Variants in FSTL5 observed in about 807,000 individuals in gnomAD.
FSTL5 encodes follistatin-related protein 5.
A neutral mutation model predicts 89.1 loss-of-function variants in FSTL5; 62 were observed. That is an observed-to-expected ratio of 0.70 (90% CI 0.57 to 0.86). FSTL5 has a LOEUF of 0.86. Ranked by LOEUF, FSTL5 falls within the 40% of genes least tolerant of loss-of-function variation. The pLI is 0.00. For synonymous variants in FSTL5, 383 were observed against 346.2 expected (o/e 1.11, Z -1.18); for missense variants, 1,057 against 1,001.6 (o/e 1.06, Z -0.75).
intron 4 of FSTL5, among the ~76,000 whole-genome samples, chr4:161,915,012 A>T (rs562320413): frequency 9.2e-5 from 14 of 152,304 alleles, no homozygotes; most frequent in African/African-American, 3.4e-4. Context: ...AGATATTACA[A>T]TATTGTAGCC....
At chr4:162,002,341 G>A (rs1012312787) in intron 3 of FSTL5, among the ~76,000 whole-genome samples, 3 of 152,044 alleles carry the variant, frequency 2.0e-5, no homozygotes, top group African/African-American at 7.3e-5. Context: ...TATATTTCAG[G>A]TCTCTGATTA....
chr4:161,490,393 A>G (rs912918572), intron 12 of FSTL5, among the ~76,000 whole-genome samples: 1 of 152,124 alleles, frequency 6.6e-6, no homozygotes, highest in African/African-American at 2.4e-5. Flanking sequence ...TTACTTTTCT[A>G]GATATGCATA....
intron 4 of FSTL5, among the ~76,000 whole-genome samples, chr4:161,779,688 A>G (rs1176438254): frequency 2.0e-5 from 3 of 147,330 alleles, no homozygotes; most frequent in Non-Finnish European, 3.0e-5. Context: ...TTTCTTTTTA[A>G]CTATTTTATT....
intron 13 of FSTL5, among the ~76,000 whole-genome samples, chr4:161,474,184 A>T (rs1273988188): frequency 6.6e-6 from 1 of 152,148 alleles, no homozygotes; most frequent in Non-Finnish European, 1.5e-5. Flanking sequence ...CAGTTCTATA[A>T]TACCTAAACT....
intron 15 of FSTL5, among the ~76,000 whole-genome samples, chr4:161,426,002 G>A (rs1345235586): frequency 6.6e-6 from 1 of 151,560 alleles, no homozygotes; most frequent in Non-Finnish European, 1.5e-5. Context: ...GTTTATCAAA[G>A]GTTTTAAACT....
intron 2 of FSTL5, among the ~76,000 whole-genome samples, chr4:162,057,126 T>C (rs757493875): frequency 6.6e-6 from 1 of 152,240 alleles, no homozygotes; most frequent in South Asian, 2.1e-4. Flanking sequence ...GTGTGGCCCA[T>C]CTGCCCGATT....
chr4:161,779,276 A>C (rs1741533448), intron 4 of FSTL5, among the ~76,000 whole-genome samples: 1 of 151,876 alleles, frequency 6.6e-6, no homozygotes. Flanking sequence ...TAAAATAACC[A>C]AAAAAAATTG....
chr4:161,627,883 TACAGAC>T lies in FSTL5; in HGVS notation c.894+28439_894+28444del, dbSNP rs536849559. Among the ~76,000 whole-genome samples, 24 of 152,296 alleles carry T rather than the reference TACAGAC, an allele frequency of 1.6e-4. No individual in the cohort carries two copies. In the South Asian group the frequency reaches 4.6e-3, roughly 29 times the overall value. On this transcript the variant is annotated intron_variant, in intron 7 of 15. Coordinates refer to ENST00000306100, the MANE Select transcript of FSTL5 (RefSeq NM_020116.5). ...ATTTTGATATATACTGTCACGGTCA[TACAGAC>T]ACAGACTTTGGAATAATTTTATGAT...
intron 4 of FSTL5, among the ~76,000 whole-genome samples, chr4:161,789,657 T>G (rs1260802972): frequency 6.6e-6 from 1 of 152,194 alleles, no homozygotes; most frequent in Non-Finnish European, 1.5e-5. Flanking sequence ...ATTTAATATT[T>G]AACGTGTGTT....
intron 5 of FSTL5, among the ~76,000 whole-genome samples, chr4:161,764,298 G>A (rs566257996): frequency 6.6e-6 from 1 of 152,118 alleles, no homozygotes; most frequent in African/African-American, 2.4e-5. Flanking sequence ...CACTCTTGTT[G>A]TCCAGGCTGG....
chr4:162,088,608 C>T (rs968223795), intron 2 of FSTL5, among the ~76,000 whole-genome samples: 1 of 151,974 alleles, frequency 6.6e-6, no homozygotes, highest in African/African-American at 2.4e-5. Context: ...CCTCAAAATA[C>T]ATAACTGTAA....
intron 8 of FSTL5, among the ~76,000 whole-genome samples, chr4:161,585,606 A>AG (rs1364891374): frequency 2.7e-5 from 4 of 150,194 alleles, no homozygotes; most frequent in Admixed American, 2.6e-4. Context: ...AAAAAAAAAA[A>AG]GGCAGGGCAT....
chr4:161,984,338 A>C (rs1735905610), intron 3 of FSTL5, among the ~76,000 whole-genome samples: 1 of 152,052 alleles, frequency 6.6e-6, no homozygotes, highest in Non-Finnish European at 1.5e-5. Flanking sequence ...GTTTTTCTGC[A>C]GTAGCTTTAA....
rs1284082021 is a variant in FSTL5, at chr4:161,676,270, T to A, written c.728-19776A>T. On this transcript the variant is annotated intron_variant, in intron 6 of 15. Coordinates refer to ENST00000306100, the MANE Select transcript of FSTL5 (RefSeq NM_020116.5). ...AACAAACTTAAATGCCCATCAATGA[T>A]AGACTGGATAGAGAAAATGTGGCAC... Among the ~76,000 whole-genome samples the A allele has an allele frequency of 2.6e-5, 4 of 152,088 alleles. No homozygotes were observed. The East Asian group carries it at 7.7e-4, about 29-fold the overall frequency.
chr4:161,934,011 A>C (rs2110902914), intron 3 of FSTL5, among the ~76,000 whole-genome samples: 1 of 152,048 alleles, frequency 6.6e-6, no homozygotes, highest in African/African-American at 2.4e-5. Context: ...TTCTATACTG[A>C]CCTAAGCATT....
intron 1 of FSTL5, among the ~76,000 whole-genome samples, chr4:162,146,352 T>G (rs1732985735): frequency 6.6e-6 from 1 of 152,202 alleles, no homozygotes; most frequent in Admixed American, 6.5e-5. Context: ...AAATAGAATT[T>G]CCTTTCTAGA....
At chr4:161,491,701 C>T (rs541576484) in intron 12 of FSTL5, among the ~76,000 whole-genome samples, 31 of 152,084 alleles carry the variant, frequency 2.0e-4, no homozygotes, top group African/African-American at 7.5e-4. Context: ...ATTAGCTGGG[C>T]GTGGTGGCAC....
chr4:161,801,324 T>C (rs1284050688), intron 4 of FSTL5, among the ~76,000 whole-genome samples: 2 of 151,466 alleles, frequency 1.3e-5, no homozygotes, highest in Non-Finnish European at 3.0e-5. Flanking sequence ...ACAGTAGGGG[T>C]TGTATTTAGG....
At chr4:161,522,697 T>C (rs1436759110) in intron 10 of FSTL5, among the ~76,000 whole-genome samples, 2 of 151,656 alleles carry the variant, frequency 1.3e-5, no homozygotes, top group African/African-American at 2.4e-5. Context: ...TTTTTCAAAC[T>C]GGAGGATGAA....
Sources: gnomAD v4.1 joint callset for allele counts (sites outside exome capture counted in the v4.1 genomes callset) on GRCh38, gnomAD v4.1.1 for gene constraint, MANE v1.5 for transcripts, NCBI Gene and HGNC (gene_info 2026-07-23, HGNC 2026-07-21) for gene names.